Variants in PKNOX2 observed in about 807,000 individuals in gnomAD.
The protein encoded by PKNOX2 is PBX/knotted 1 homeobox 2, also known as homeobox protein PKNOX2.
A neutral mutation model predicts 53.1 loss-of-function variants in PKNOX2; 14 were observed. That is an observed-to-expected ratio of 0.26 (90% CI 0.17 to 0.41). The LOEUF (loss-of-function observed/expected upper bound fraction) is 0.41, where lower values mean the gene tolerates loss of function less well. Among genes scored for constraint, PKNOX2 ranks in the 10% least tolerant of loss-of-function variants. PKNOX2 has a pLI of 1.00. For synonymous variants in PKNOX2, 257 were observed against 242.8 expected, an observed-to-expected ratio of 1.06 and a Z score of -0.54; for missense variants, 496 against 602.8, an observed-to-expected ratio of 0.82 and a Z score of 1.85.
intron 10 of PKNOX2, among the ~76,000 whole-genome samples, chr11:125,416,875 T>C (rs1955913384): frequency 6.6e-6 from 1 of 152,054 alleles, no homozygotes; most frequent in Non-Finnish European, 1.5e-5. Context: ...GTCTGGGGCT[T>C]CTTGTCATTT....
chr11:125,189,451 A>G lies in PKNOX2; in HGVS notation c.-201+24675A>G, dbSNP rs1328082039. ...TGTGTGTGTGTGTGTGTGTGTGTAT[A>G]TATATATATATATATATATATATAT... On this transcript the variant is annotated intron_variant, in intron 1 of 12. Transcript: ENST00000298282. Among the ~76,000 whole-genome samples the G allele has an allele frequency of 5.6e-3, 374 of 67,234 alleles. 3 individuals are homozygous for G. Among genetic ancestry groups the G allele is most frequent in the African/African-American group, 0.024 (310 of 12,948 alleles). 44.1% of individuals were successfully genotyped at this position (67,234 alleles called of 152,430 possible).
intron 2 of PKNOX2, among the ~76,000 whole-genome samples, chr11:125,299,788 C>A (rs1947908413): frequency 6.6e-6 from 1 of 152,110 alleles, no homozygotes. Context: ...CCCTCGCATC[C>A]CCCCACCGGG....
Position 125,425,115 on chromosome 11 carries a change from C to T in PKNOX2, c.937-3897C>T, listed in dbSNP as rs1270672380. ...CATCGCACAGAGTGAGTCAATGGAG[C>T]ACACAGGCTTACCCTGCACTATCTC... On this transcript the variant is annotated intron_variant, in intron 10 of 12. Coordinates refer to ENST00000298282, the MANE Select transcript of PKNOX2 (RefSeq NM_001382323.2). Among the ~76,000 whole-genome samples, 5 of 152,184 alleles carry T rather than the reference C, an allele frequency of 3.3e-5. No individual in the cohort carries two copies. The South Asian group carries it at 8.3e-4, about 25-fold the overall frequency.
At chr11:125,413,551 C>T (rs918210895) in intron 10 of PKNOX2, among the ~76,000 whole-genome samples, 1 of 152,204 alleles carries the variant, frequency 6.6e-6, no homozygotes, top group African/African-American at 2.4e-5. Context: ...AGTCTGGCTG[C>T]GCTCATTGTG....
intron 2 of PKNOX2, among the ~76,000 whole-genome samples, chr11:125,272,469 C>T (rs1038713832): frequency 5.9e-5 from 9 of 152,160 alleles, no homozygotes; most frequent in Admixed American, 2.0e-4. Context: ...TTGTTAAGGT[C>T]ACATGATTAA....
At chr11:125,400,734 C>T (rs1954695247) in intron 7 of PKNOX2, among the ~76,000 whole-genome samples, 1 of 152,204 alleles carries the variant, frequency 6.6e-6, no homozygotes, top group African/African-American at 2.4e-5. Context: ...ACGCTTCCTG[C>T]ACTCCACTAA....
chr11:125,170,056 C>A (rs11600802), intron 1 of PKNOX2, among the ~76,000 whole-genome samples: 7 of 152,098 alleles, frequency 4.6e-5, no homozygotes, highest in Non-Finnish European at 8.8e-5. Context: ...TGAGCCCTGA[C>A]TGGTGTGTGT....
chr11:125,211,264 G>C (rs946956027), intron 1 of PKNOX2, among the ~76,000 whole-genome samples: 1 of 152,056 alleles, frequency 6.6e-6, no homozygotes, highest in Non-Finnish European at 1.5e-5. Context: ...AGTAGGCAAG[G>C]GTTTCTCAAT....
At chr11:125,186,750 C>A (rs939595741) in intron 1 of PKNOX2, among the ~76,000 whole-genome samples, 3 of 152,174 alleles carry the variant, frequency 2.0e-5, no homozygotes, top group African/African-American at 7.2e-5. Flanking sequence ...TCTTTTGTTG[C>A]TTATGCTTTT....
chr11:125,187,568 T>C (rs1956531314), intron 1 of PKNOX2, among the ~76,000 whole-genome samples: 1 of 152,246 alleles, frequency 6.6e-6, no homozygotes, highest in African/African-American at 2.4e-5. Context: ...AGTAACTTTC[T>C]TGTGGATTCT....
chr11:125,357,649 G>C (rs1255182717), intron 4 of PKNOX2, among the ~76,000 whole-genome samples: 1 of 152,166 alleles, frequency 6.6e-6, no homozygotes, highest in Non-Finnish European at 1.5e-5. Flanking sequence ...GTTGGTCTTA[G>C]TTGGTCTTCA....
At chr11:125,176,379 G>A (rs1010755368) in intron 1 of PKNOX2, among the ~76,000 whole-genome samples, 2 of 152,350 alleles carry the variant, frequency 1.3e-5, no homozygotes, top group Admixed American at 1.3e-4. Context: ...GGATATGACC[G>A]TGAACTAGAC....
At chr11:125,290,886 A>C (rs147926251) in intron 2 of PKNOX2, among the ~76,000 whole-genome samples, 10 of 151,984 alleles carry the variant, frequency 6.6e-5, no homozygotes, top group East Asian at 5.8e-4. Context: ...GCAGAGTGTC[A>C]TATGGGGGAT....
chr11:125,241,214 C>T (rs2135598993), intron 2 of PKNOX2, among the ~76,000 whole-genome samples: 1 of 152,302 alleles, frequency 6.6e-6, no homozygotes, highest in South Asian at 2.1e-4. Flanking sequence ...CTCAGATACA[C>T]AGGCACACTC....
rs78206338 is a variant in PKNOX2, at chr11:125,254,144, A to G, written c.-130+19029A>G. 8.8e-3 allele frequency among the ~76,000 whole-genome samples: 1,342 copies of G among 152,334 alleles called. 21 individuals are homozygous for G. The highest frequency in any genetic ancestry group is 0.03 in the African/African-American group (1,259 of 41,572). ...ACAACTGAAGGGAAGAGGTGTACAC[A>G]TCTGACGTCCTCAGCAAAAATTTAG... On this transcript the variant is annotated intron_variant, in intron 2 of 12. Transcript: ENST00000298282.
At chr11:125,409,862 C>T (rs186116408) in intron 7 of PKNOX2, among the ~76,000 whole-genome samples, 1 of 152,190 alleles carries the variant, frequency 6.6e-6, no homozygotes, top group African/African-American at 2.4e-5. Flanking sequence ...AAATGAGACT[C>T]TCTGAGATTG....
chr11:125,354,123 G>T (rs1951467594), intron 4 of PKNOX2, among the ~76,000 whole-genome samples: 1 of 152,156 alleles, frequency 6.6e-6, no homozygotes, highest in Non-Finnish European at 1.5e-5. Context: ...AACTTGCATT[G>T]GACCCCTGAC....
At chr11:125,273,249 A>C (rs565349385) in intron 2 of PKNOX2, among the ~76,000 whole-genome samples, 4 of 152,364 alleles carry the variant, frequency 2.6e-5, no homozygotes, top group African/African-American at 9.6e-5. Flanking sequence ...GGAGCAGCTG[A>C]AAATATCCCA....
intron 12 of PKNOX2, 87 bp downstream of exon 12, chr11:125,430,228 G>A: frequency 1.4e-6 from 2 of 1,460,998 alleles, no homozygotes; most frequent in Non-Finnish European, 1.8e-6. Context: ...AGATTCAAGG[G>A]CTATCTCCTT....
Sources: gnomAD v4.1 joint callset for allele counts (sites outside exome capture counted in the v4.1 genomes callset) on GRCh38, gnomAD v4.1.1 for gene constraint, MANE v1.5 for transcripts, NCBI Gene and HGNC (gene_info 2026-07-23, HGNC 2026-07-21) for gene names.